Variants in FBN1 observed in about 807,000 individuals in gnomAD.
FBN1 encodes the protein fibrillin 1, also known as fibrillin-1.
Under a neutral mutation model 365.1 loss-of-function variants are expected in FBN1, and 29 were observed. That is an observed-to-expected ratio of 0.08 (90% CI 0.06 to 0.11). The LOEUF is 0.11. Among genes scored for constraint, FBN1 ranks in the 10% least tolerant of loss-of-function variants. The pLI, the probability that FBN1 is intolerant of heterozygous loss-of-function variation, is 1.00. For missense variants in FBN1, 2,476 were observed against 3,703.2 expected (o/e 0.67, Z 8.60); for synonymous variants, 1,210 against 1,270.5 (o/e 0.95, Z 1.01).
rs747713929 is a variant in FBN1, at chr15:48,489,983, C to T, written c.2950G>A (p.Val984Ile). ...RHRMDACCCS[V>I]GAAWGTEECE... ...TCCTCAGTACCCCAGGCTGCCCCGA[C>T]GGAGCAGCAGCAGGCGTCCATGCGG... is the stretch of plus-strand genomic sequence containing the variant. The change falls in exon 25 of 66, where the codon GTC becomes ATC. Residue 984 changes from valine to isoleucine, a missense_variant. Around this residue, in one of 5 missense-constraint regions of FBN1, gnomAD observed 1,780 missense variants for 2,840.8 expected, o/e 0.63. Transcript: ENST00000316623. 24 of 1,614,006 alleles carry T rather than the reference C, an allele frequency of 1.5e-5. No homozygotes were observed. Among genetic ancestry groups the T allele is most frequent in the East Asian group, 2.2e-5 (1 of 44,882 alleles).
At chr15:48,514,356 A>G (rs1448356791) in intron 12 of FBN1, among the ~76,000 whole-genome samples, 1 of 152,240 alleles carries the variant, frequency 6.6e-6, no homozygotes, top group African/African-American at 2.4e-5. Context: ...ACCCTGAGTT[A>G]GATGTTCCCA....
intron 7 of FBN1, 41 bp downstream of exon 7, chr15:48,537,570 A>G (rs751130770): frequency 2.5e-6 from 4 of 1,610,830 alleles, no homozygotes; most frequent in East Asian, 2.2e-5. Context: ...TCCAGAGCAA[A>G]TAAGATTAAT....
chr15:48,444,088 T>C (rs1271316244), intron 49 of FBN1, among the ~76,000 whole-genome samples: 1 of 152,174 alleles, frequency 6.6e-6, no homozygotes, highest in Non-Finnish European at 1.5e-5. Context: ...TGAGAATTTA[T>C]TTGAAATAAG....
At chr15:48,572,630 G>T (rs1236093752) in intron 6 of FBN1, among the ~76,000 whole-genome samples, 1 of 151,890 alleles carries the variant, frequency 6.6e-6, no homozygotes, top group Non-Finnish European at 1.5e-5. Context: ...TGGAGAGAAA[G>T]TGTACAAGTA....
chr15:48,466,695 G>A (rs2043325261), intron 38 of FBN1, among the ~76,000 whole-genome samples: 1 of 152,068 alleles, frequency 6.6e-6, no homozygotes, highest in South Asian at 2.1e-4. Flanking sequence ...TCCAGATCTG[G>A]TGTGGTGTGG....
At position 48,513,542 on chromosome 15, in the gene FBN1, A is replaced by T. The variant is rs2043777368; in HGVS notation, c.1588+7T>A. The T allele has an allele frequency of 1.2e-6, 2 of 1,613,922 alleles. No individual in the cohort carries two copies. The highest frequency in any genetic ancestry group is 1.7e-6 in the Non-Finnish European group (2 of 1,179,872). On this transcript the variant is annotated splice_region_variant and intron_variant, in intron 13 of 65. Transcript: ENST00000316623. ...CCCACATTCCACGTCAGGAGCCAGG[A>T]CCATACCTCGGCATTCTGTCCGCGT...
chr15:48,416,854 T>C (rs1286153338), intron 63 of FBN1: 2 of 152,252 alleles, frequency 1.3e-5, no homozygotes, highest in Non-Finnish European at 1.5e-5. Flanking sequence ...ACTTAGCGAA[T>C]AACCACTTCC....
Position 48,538,735 on chromosome 15 carries a change from C to T in FBN1, c.539-927G>A, listed in dbSNP as rs75298601. Among the ~76,000 whole-genome samples, 1,044 of 152,236 alleles carry T rather than the reference C, an allele frequency of 6.9e-3. 17 individuals carry two copies. Among genetic ancestry groups the T allele is most frequent in the African/African-American group, 0.024 (995 of 41,530 alleles). On this transcript the variant is annotated intron_variant, in intron 6 of 65. Transcript: ENST00000316623. ...GTGGTTCTACAATGACCTTGACAGA[C>T]AAGGGAGGCTGGGCTGGGGTAAGAC...
At position 48,497,352 on chromosome 15, in the gene FBN1, T is replaced by C. The variant is rs1566912242; in HGVS notation, c.2207A>G (p.Asn736Ser). ...CCCACGAAGGTTTTCACAGATTCCA[T>C]TTGGGCAAATATCAGGATCTAGTGC... ...ECALDPDICP[N>S]GICENLRGTY... The change falls in exon 19 of 66, where the codon AAT becomes AGT. Residue 736 changes from asparagine to serine, a missense_variant. This residue lies in a region of FBN1 where 1,780 missense variants were observed against 2,840.8 expected (regional missense o/e 0.63). Transcript: ENST00000316623. 1.9e-6 allele frequency: 3 copies of C among 1,614,040 alleles called. No homozygotes were observed. Among genetic ancestry groups the C allele is most frequent in the Non-Finnish European group, 2.5e-6 (3 of 1,179,900 alleles).
At chr15:48,525,929 T>C (rs915762508) in intron 9 of FBN1, among the ~76,000 whole-genome samples, 7 of 152,224 alleles carry the variant, frequency 4.6e-5, no homozygotes, top group African/African-American at 1.7e-4. Flanking sequence ...CCCTCTTTTA[T>C]GGGAGGCAAA....
intron 63 of FBN1, among the ~76,000 whole-genome samples, chr15:48,420,355 A>C (rs570820190): frequency 5.9e-5 from 9 of 152,278 alleles, no homozygotes; most frequent in Admixed American, 3.9e-4. Flanking sequence ...TTTTTCAGTC[A>C]TAAGTAAGAT....
At chr15:48,416,941 C>CCATT (rs5812449) in intron 63 of FBN1, among the ~76,000 whole-genome samples, 3,752 of 152,314 alleles carry the variant, frequency 0.025, 81 homozygotes, top group East Asian at 0.082. Flanking sequence ...CAGGTATTGA[C>CCATT]CATTTCCTTA....
chr15:48,464,879 C>T (rs1010241065), intron 40 of FBN1, among the ~76,000 whole-genome samples: 4 of 152,146 alleles, frequency 2.6e-5, no homozygotes, highest in African/African-American at 9.7e-5. Context: ...GTGCCATATA[C>T]ACTGTGATGT....
At chr15:48,535,732 T>C (rs2044007849) in intron 7 of FBN1, among the ~76,000 whole-genome samples, 1 of 152,190 alleles carries the variant, frequency 6.6e-6, no homozygotes, top group African/African-American at 2.4e-5. Flanking sequence ...TATAAAAGTA[T>C]CACTTACTGT....
chr15:48,547,319 A>G (rs911063572), intron 6 of FBN1, among the ~76,000 whole-genome samples: 1 of 152,182 alleles, frequency 6.6e-6, no homozygotes, highest in South Asian at 2.1e-4. Flanking sequence ...ACAATATGTG[A>G]TGGAATCCTG....
intron 6 of FBN1, among the ~76,000 whole-genome samples, chr15:48,553,997 G>A (rs11857536): frequency 0.12 from 17,982 of 152,120 alleles, 1,240 homozygotes; most frequent in Non-Finnish European, 0.15. Context: ...TATAAAGAAG[G>A]AAACTGAGGC....
chr15:48,466,047 G>A (rs2043319229), intron 38 of FBN1, among the ~76,000 whole-genome samples, 189 bp from the exon 39 acceptor site: 1 of 152,106 alleles, frequency 6.6e-6, no homozygotes, highest in Non-Finnish European at 1.5e-5. Context: ...TTTTTATTAT[G>A]TGTCCCCAGT....
intron 8 of FBN1, among the ~76,000 whole-genome samples, chr15:48,526,929 G>A (rs978106128): frequency 1.3e-5 from 2 of 152,192 alleles, no homozygotes; most frequent in African/African-American, 2.4e-5. Flanking sequence ...TGCCTGAGTC[G>A]CAGAGAGCCA....
intron 55 of FBN1, among the ~76,000 whole-genome samples, chr15:48,431,918 G>A (rs940005282): frequency 2.0e-5 from 3 of 152,126 alleles, no homozygotes; most frequent in Admixed American, 2.0e-4. Flanking sequence ...GCCTCCCAAA[G>A]TGCTGGGATT....
Sources: gnomAD v4.1 joint callset for allele counts (sites outside exome capture counted in the v4.1 genomes callset) on GRCh38, gnomAD v4.1.1 for gene constraint, gnomAD v4.1.1 regional missense constraint, MANE v1.5 for transcripts, NCBI Gene and HGNC (gene_info 2026-07-23, HGNC 2026-07-21) for gene names.